Variants in ATP2B2 observed in about 807,000 individuals in gnomAD.
ATP2B2 encodes plasma membrane calcium-transporting ATPase 2.
In ATP2B2, 15 loss-of-function variants were observed where a neutral mutation model predicts 120.0. The ratio of observed to expected loss-of-function variants is 0.12; its 90% CI spans 0.08 to 0.19. The LOEUF (loss-of-function observed/expected upper bound fraction) is 0.19. ATP2B2 is among the 10% of genes least tolerant of loss of function. The pLI, the probability that ATP2B2 is intolerant of heterozygous loss-of-function variation, is 1.00. For missense variants in ATP2B2, 1,045 were observed against 1,719.8 expected, an observed-to-expected ratio of 0.61 and a Z score of 6.94; for synonymous variants, 694 against 700.3, an observed-to-expected ratio of 0.99 and a Z score of 0.14.
At chr3:10,497,995 T>G (rs1327152633) in intron 1 of ATP2B2, among the ~76,000 whole-genome samples, 1 of 152,190 alleles carries the variant, frequency 6.6e-6, no homozygotes, top group Non-Finnish European at 1.5e-5. Context: ...ACTGATCTTA[T>G]TTATCATATT....
intron 22 of ATP2B2, among the ~76,000 whole-genome samples, chr3:10,337,807 C>T (rs76488575): frequency 0.015 from 2,228 of 152,244 alleles, 46 homozygotes; most frequent in African/African-American, 0.044. Context: ...TGTCCAGCCT[C>T]ACACGGCCCC....
At chr3:10,392,914 G>A (rs2061901980) in intron 5 of ATP2B2, among the ~76,000 whole-genome samples, 1 of 152,244 alleles carries the variant, frequency 6.6e-6, no homozygotes, top group African/African-American at 2.4e-5. Flanking sequence ...CCTGGGTAGG[G>A]TGGACAGCTA....
At chr3:10,622,002 A>G (rs1229522154) in intron 1 of ATP2B2, among the ~76,000 whole-genome samples, 3 of 152,208 alleles carry the variant, frequency 2.0e-5, no homozygotes, top group African/African-American at 7.2e-5. Flanking sequence ...GTTTTGCTCC[A>G]CACATTTGTC....
At chr3:10,400,077 C>T (rs2062167482) in intron 5 of ATP2B2, among the ~76,000 whole-genome samples, 1 of 152,230 alleles carries the variant, frequency 6.6e-6, no homozygotes, top group Admixed American at 6.5e-5. Context: ...CTGAGCACTG[C>T]TGGACAATAA....
rs112057316 is a variant in ATP2B2, at chr3:10,488,487, C to G, written c.-320+16978G>C. Among the ~76,000 whole-genome samples, 33 of 102,964 alleles carry G rather than the reference C, an allele frequency of 3.2e-4. No homozygotes were observed. The Admixed American group carries it at 3.2e-3, about 10-fold the overall frequency. The allele number at this position is 102,964 out of a possible 152,430, so 67.5% of individuals were successfully genotyped here. A position where few individuals can be genotyped will look rare whatever the true frequency, so the allele number is the denominator to read the frequency against. On this transcript the variant is annotated intron_variant, in intron 1 of 22. Transcript: ENST00000360273. ...AATTCCTTCCTTCCTTCCTTCCTTCCTTCCTTCCTTCCTTCCTTCGTTCCT... is the reference window on the plus strand; with the variant it reads ...AATTCCTTCCTTCCTTCCTTCCTTCGTTCCTTCCTTCCTTCCTTCGTTCCT...
intron 2 of ATP2B2, among the ~76,000 whole-genome samples, chr3:10,540,457 T>A (rs1435068675): frequency 6.6e-6 from 1 of 152,090 alleles, no homozygotes; most frequent in Non-Finnish European, 1.5e-5. Flanking sequence ...TATCAAAGAC[T>A]TGGAACCAAC....
intron 10 of ATP2B2, among the ~76,000 whole-genome samples, chr3:10,377,112 AG>A (rs1173133427): frequency 2.0e-5 from 3 of 152,178 alleles, no homozygotes; most frequent in East Asian, 3.9e-4. Flanking sequence ...GAGGTGCAGG[AG>A]GGAGAGGAGT....
At chr3:10,434,354 G>C (rs2063412618) in intron 2 of ATP2B2, among the ~76,000 whole-genome samples, 1 of 152,180 alleles carries the variant, frequency 6.6e-6, no homozygotes, top group African/African-American at 2.4e-5. Flanking sequence ...CCTGCAACAG[G>C]GTATGGCTGG....
intron 8 of ATP2B2, 63 bp downstream of exon 8, chr3:10,385,205 G>A: frequency 2.0e-6 from 3 of 1,528,292 alleles, no homozygotes; most frequent in Non-Finnish European, 2.7e-6. Context: ...AAAGCCCAAA[G>A]TTGGGGTGGG....
chr3:10,372,471 G>A (rs954928793), intron 11 of ATP2B2, among the ~76,000 whole-genome samples: 30 of 151,924 alleles, frequency 2.0e-4, no homozygotes, highest in Non-Finnish European at 2.5e-4. Flanking sequence ...TTTCACTGGC[G>A]CCTGGCTTTC....
intron 1 of ATP2B2, among the ~76,000 whole-genome samples, chr3:10,621,355 C>A (rs2069542779): frequency 6.6e-6 from 1 of 152,248 alleles, no homozygotes; most frequent in South Asian, 2.1e-4. Flanking sequence ...ACGGGGCCAG[C>A]TTGGGAGCCC....
At chr3:10,589,410 C>T (rs1365532245) in intron 2 of ATP2B2, among the ~76,000 whole-genome samples, 1 of 152,174 alleles carries the variant, frequency 6.6e-6, no homozygotes, top group African/African-American at 2.4e-5. Flanking sequence ...CCAGAGGAGA[C>T]AGGGTAGAAA....
chr3:10,385,383 A>C, intron 7 of ATP2B2, 56 bp from the exon 8 acceptor site: 1 of 1,499,172 alleles, frequency 6.7e-7, no homozygotes, highest in South Asian at 1.1e-5. Flanking sequence ...AAAAGCAACA[A>C]CGACAAAGAC....
At chr3:10,702,261 A>T (rs981562268) in intron 1 of ATP2B2, among the ~76,000 whole-genome samples, 4 of 152,180 alleles carry the variant, frequency 2.6e-5, no homozygotes, top group Non-Finnish European at 5.9e-5. Flanking sequence ...AGAAGGTAAA[A>T]ATTATATGTG....
At position 10,516,238 on chromosome 3, in the gene ATP2B2, T is replaced by C. The variant is rs569474667; in HGVS notation, c.-320+17801A>G. Among the ~76,000 whole-genome samples, 3 of 152,366 alleles carry C rather than the reference T, an allele frequency of 2.0e-5. No homozygotes were observed. The East Asian group carries it at 5.8e-4, about 29-fold the overall frequency. On this transcript the variant is annotated intron_variant, in intron 3 of 21. Transcript: ENST00000646379. ...TTGCCTTTGACCTGTTCCTCCCTGC[T>C]GCAGGCTGCCCTGGCCCCAGCCCCT...
chr3:10,587,698 T>C (rs2068544713), intron 2 of ATP2B2, among the ~76,000 whole-genome samples: 1 of 152,220 alleles, frequency 6.6e-6, no homozygotes, highest in South Asian at 2.1e-4. Flanking sequence ...TTCTTCATTG[T>C]CTTCTTTTGC....
chr3:10,688,821 G>C (rs937869309), intron 1 of ATP2B2, among the ~76,000 whole-genome samples: 5 of 152,228 alleles, frequency 3.3e-5, no homozygotes, highest in African/African-American at 1.2e-4. Flanking sequence ...ACTGAGGATG[G>C]AAATGCAGTG....
intron 1 of ATP2B2, among the ~76,000 whole-genome samples, chr3:10,503,501 T>C (rs2066477545): frequency 6.6e-6 from 1 of 152,212 alleles, no homozygotes; most frequent in South Asian, 2.1e-4. Flanking sequence ...GCACTTAGGA[T>C]CCAGTATCCC....
chr3:10,367,355 T>C (rs2061093125), intron 12 of ATP2B2, among the ~76,000 whole-genome samples: 2 of 151,880 alleles, frequency 1.3e-5, no homozygotes, highest in East Asian at 3.9e-4. Context: ...CCCTGGTAGG[T>C]TCCCTTCTGT....
Sources: gnomAD v4.1 joint callset for allele counts (sites outside exome capture counted in the v4.1 genomes callset) on GRCh38, gnomAD v4.1.1 for gene constraint, MANE v1.5 for transcripts, NCBI Gene and HGNC (gene_info 2026-07-23, HGNC 2026-07-21) for gene names.